FBN1: variants seen among roughly 807,000 people sequenced by gnomAD.
The protein encoded by FBN1 is fibrillin-1.
FBN1 carries 29 observed loss-of-function variants against 365.1 expected under a neutral mutation model. That is an observed-to-expected ratio of 0.08 (90% confidence interval 0.06 to 0.11). The LOEUF (loss-of-function observed/expected upper bound fraction) is 0.11, where lower values mean the gene tolerates loss of function less well. FBN1 is among the 10% of genes least tolerant of loss of function. FBN1 has a pLI of 1.00. For synonymous variants in FBN1, 1,210 were observed against 1,270.5 expected (o/e 0.95, Z 1.01); for missense variants, 2,476 against 3,703.2 (o/e 0.67, Z 8.60).
At chr15:48,512,049 A>C (rs970370045) in intron 13 of FBN1, among the ~76,000 whole-genome samples, 5 of 152,354 alleles carry the variant, frequency 3.3e-5, no homozygotes, top group Non-Finnish European at 7.3e-5. Context: ...ATTTATAACT[A>C]ATTAATAGAA....
In FBN1 at chr15:48,472,674, G is replaced by T; in HGVS notation, c.4213C>A (p.Leu1405Ile). 1 of 1,614,150 alleles carries T rather than the reference G, an allele frequency of 6.2e-7. No individual in the cohort carries two copies. Among genetic ancestry groups the T allele is most frequent in the Non-Finnish European group, 8.5e-7 (1 of 1,180,014 alleles). The change falls in exon 35 of 66, where the codon CTT (leucine) becomes ATT (isoleucine). Residue 1405 changes from leucine to isoleucine, a missense_variant and splice_region_variant. Coordinates refer to ENST00000316623, the MANE Select transcript of FBN1 (RefSeq NM_000138.5). ...YTGDGFTCTD[L>I]DECSENLNLC... ...TTCAGGTTCTCAGAGCACTCATCAA[G>T]GTCTACAGCCAGAAAGAAACACACG...
chr15:48,554,752 T>G (rs2044166964), intron 6 of FBN1, among the ~76,000 whole-genome samples: 1 of 152,208 alleles, frequency 6.6e-6, no homozygotes, highest in South Asian at 2.1e-4. Context: ...CATACACACA[T>G]ACACATTATA....
intron 44 of FBN1, 58 bp from the exon 45 acceptor site, chr15:48,452,742 A>G: frequency 1.3e-6 from 2 of 1,595,960 alleles, no homozygotes; most frequent in Non-Finnish European, 1.7e-6. Context: ...CCAGTCAACA[A>G]AGCCTCTCAC....
intron 6 of FBN1, among the ~76,000 whole-genome samples, chr15:48,581,891 C>G (rs2044395037): frequency 6.6e-6 from 1 of 152,106 alleles, no homozygotes. Flanking sequence ...TTCCTAGACA[C>G]CTGCCTTAGA....
chr15:48,601,284 A>C (rs2044564783), intron 4 of FBN1, among the ~76,000 whole-genome samples: 1 of 152,224 alleles, frequency 6.6e-6, no homozygotes, highest in African/African-American at 2.4e-5. Flanking sequence ...TGTTCAGGCT[A>C]TCTCTAGGTC....
At chr15:48,562,326 G>A (rs1201529626) in intron 6 of FBN1, among the ~76,000 whole-genome samples, 1 of 152,148 alleles carries the variant, frequency 6.6e-6, no homozygotes, top group Non-Finnish European at 1.5e-5. Flanking sequence ...ATCTACTTCA[G>A]GGAAACTTTA....
intron 24 of FBN1, among the ~76,000 whole-genome samples, chr15:48,490,618 T>G (rs1375536151): frequency 6.6e-6 from 1 of 152,244 alleles, no homozygotes; most frequent in Non-Finnish European, 1.5e-5. Flanking sequence ...TTCACTTTAC[T>G]TCTCAAATAT....
intron 58 of FBN1, 88 bp downstream of exon 58, chr15:48,427,479 T>C (rs1273028255): frequency 2.9e-5 from 41 of 1,390,514 alleles, no homozygotes; most frequent in South Asian, 1.2e-4. Flanking sequence ...TAGGCACATA[T>C]TGCAAACTCC....
At chr15:48,515,591 C>G (rs1019459704) in intron 11 of FBN1, 64 bp from the exon 12 acceptor site, 1 of 1,588,904 alleles carries the variant, frequency 6.3e-7, no homozygotes, top group African/African-American at 1.3e-5. Flanking sequence ...AGTACTTAAT[C>G]TGACAATAAT....
chr15:48,626,525 C>G (rs1463126884), intron 2 of FBN1, among the ~76,000 whole-genome samples: 1 of 152,108 alleles, frequency 6.6e-6, no homozygotes. Context: ...TAAAACATTT[C>G]TCTATCTAGC....
chr15:48,610,768 G>A lies in FBN1; in HGVS notation c.306C>T (p.Cys102=), dbSNP rs25388. 4.8e-3 allele frequency: 7,827 copies of A among 1,614,062 alleles called. 29 individuals are homozygous for A. The highest frequency in any genetic ancestry group is 5.8e-3 in the Non-Finnish European group (6,813 of 1,179,944). ...AGGAAGGAGCTATCTGACCAGATGG[G>A]CAAGTGCACATATTTGGCCTCGAAC... ...GFCSRPNMCT[C]PSGQIAPSCG... Residue 102 remains cysteine (C), a synonymous_variant, in exon 4 of 66, where the codon TGC becomes TGT. Coordinates refer to ENST00000316623, the MANE Select transcript of FBN1 (RefSeq NM_000138.5).
At chr15:48,531,045 C>T (rs2043968084) in intron 8 of FBN1, among the ~76,000 whole-genome samples, 1 of 152,130 alleles carries the variant, frequency 6.6e-6, no homozygotes, top group African/African-American at 2.4e-5. Flanking sequence ...TTCATGTGTT[C>T]TTTCAGCATG....
intron 59 of FBN1, 60 bp downstream of exon 59, chr15:48,425,679 T>C (rs1310596920): frequency 6.3e-7 from 1 of 1,592,516 alleles, no homozygotes; most frequent in Non-Finnish European, 8.6e-7. Context: ...CTTTGGGTTT[T>C]TTTTTTTCCA....
intron 6 of FBN1, among the ~76,000 whole-genome samples, chr15:48,541,086 T>G (rs773863310): frequency 2.6e-5 from 4 of 151,900 alleles, no homozygotes; most frequent in Non-Finnish European, 5.9e-5. Context: ...CACATGTGAA[T>G]TTCTCATTGG....
chr15:48,493,877 A>C (rs1421840634), intron 23 of FBN1, among the ~76,000 whole-genome samples: 2 of 152,206 alleles, frequency 1.3e-5, no homozygotes, highest in Non-Finnish European at 2.9e-5. Context: ...GGACAAACCA[A>C]AGAAAGGCAA....
intron 4 of FBN1, among the ~76,000 whole-genome samples, chr15:48,605,164 GT>G (rs2140725990): frequency 6.6e-6 from 1 of 152,276 alleles, no homozygotes; most frequent in Non-Finnish European, 1.5e-5. Flanking sequence ...TTAATCTACA[GT>G]TTTTACAGAA....
At chr15:48,508,465 CCAAAATTCAAGGTACTTTAAGTGGG>C in intron 15 of FBN1, 92 bp downstream of exon 15, 1 of 1,444,426 alleles carries the variant, frequency 6.9e-7, no homozygotes, top group Non-Finnish European at 9.6e-7. Flanking sequence ...GTTTCCCAAA[CCAAAATTCAAGGTACTTTAAGTGGG>C]GAGAATCAGT....
Position 48,580,677 on chromosome 15 carries a change from C to T in FBN1, c.538+15606G>A, listed in dbSNP as rs530236697. 3.3e-5 allele frequency among the ~76,000 whole-genome samples: 5 copies of T among 152,248 alleles called. No homozygotes were observed. The South Asian group carries it at 8.3e-4, about 25-fold the overall frequency. On this transcript the variant is annotated intron_variant, in intron 6 of 65. Transcript: ENST00000316623. ...CCCAAATCTGAATTTCTTCTGAAAG[C>T]CAAACTTCCTTGTGACCAAATGTTT...
At chr15:48,450,590 A>C (rs1004118635) in intron 45 of FBN1, among the ~76,000 whole-genome samples, 1 of 152,204 alleles carries the variant, frequency 6.6e-6, no homozygotes, top group African/African-American at 2.4e-5. Context: ...AGCTGGGAAG[A>C]AACTGTTCCT....
Sources: allele counts gnomAD v4.1 joint callset (sites outside exome capture counted in the v4.1 genomes callset), GRCh38; gene constraint gnomAD v4.1.1; transcripts MANE v1.5; gene names NCBI Gene and HGNC (gene_info 2026-07-23, HGNC 2026-07-21).